The following CREG2 variants were observed in gnomAD, a reference collection of about 807,000 sequenced individuals.
The protein encoded by CREG2 is cellular repressor of E1A stimulated genes 2.
In CREG2, 24 loss-of-function variants were observed where a neutral mutation model predicts 26.2. That is an observed-to-expected ratio of 0.92 (90% CI 0.66 to 1.29). The LOEUF is 1.29. CREG2 is among the 50% of genes most tolerant of loss of function. The probability of loss-of-function intolerance (pLI) is 0.00; values close to 1 mark genes in which losing one functional copy is unlikely to be tolerated. For missense variants in CREG2, 366 were observed against 398.6 expected, an observed-to-expected ratio of 0.92 and a Z score of 0.70; for synonymous variants, 174 against 169.2, an observed-to-expected ratio of 1.03 and a Z score of -0.22.
chr2:101,377,431 G>A (rs896675797), intron 2 of CREG2, among the ~76,000 whole-genome samples: 13 of 152,146 alleles, frequency 8.5e-5, no homozygotes, highest in African/African-American at 2.7e-4. Flanking sequence ...AAGAAGGTGC[G>A]AACCTAAAAC....
chr2:101,373,408 T>C (rs888918580), intron 2 of CREG2, among the ~76,000 whole-genome samples: 1 of 152,150 alleles, frequency 6.6e-6, no homozygotes, highest in Non-Finnish European at 1.5e-5. Flanking sequence ...GGAAAATCCA[T>C]AGAGACAGAA....
intron 3 of CREG2, among the ~76,000 whole-genome samples, chr2:101,354,015 T>C (rs986255636): frequency 6.6e-6 from 1 of 152,074 alleles, no homozygotes; most frequent in African/African-American, 2.4e-5. Flanking sequence ...ACCTAATGTA[T>C]GGGGGACCTT....
chr2:101,375,643 A>G (rs871081), intron 2 of CREG2: 198,600 of 203,280 alleles, frequency 0.98, 97,184 homozygotes, highest in Middle Eastern at 1. Flanking sequence ...CTGCTTCTCC[A>G]AACTCCAGTG....
chr2:101,353,964 C>T (rs1166944582), intron 3 of CREG2, among the ~76,000 whole-genome samples: 1 of 151,938 alleles, frequency 6.6e-6, no homozygotes, highest in African/African-American at 2.4e-5. Flanking sequence ...CGGGGCCTGT[C>T]GGGGGGTGGA....
chr2:101,384,667 G>T (rs1684936480), intron 1 of CREG2, among the ~76,000 whole-genome samples: 1 of 152,168 alleles, frequency 6.6e-6, no homozygotes, highest in Non-Finnish European at 1.5e-5. Context: ...ATCAGCCTGG[G>T]CAAGATAGCG....
intron 2 of CREG2, 93 bp downstream of exon 2, chr2:101,383,440 G>T: frequency 8.2e-7 from 1 of 1,212,526 alleles, no homozygotes; most frequent in Non-Finnish European, 1.2e-6. Flanking sequence ...TCAGAGTTCT[G>T]TTAAAGTCAT....
chr2:101,368,857 C>T (rs1684657453), intron 2 of CREG2, among the ~76,000 whole-genome samples: 1 of 152,182 alleles, frequency 6.6e-6, no homozygotes, highest in South Asian at 2.1e-4. Flanking sequence ...ACTAAATCTG[C>T]CTCAGCCTTG....
chr2:101,366,165 C>T (rs958281147), intron 2 of CREG2, among the ~76,000 whole-genome samples: 21 of 152,120 alleles, frequency 1.4e-4, no homozygotes, highest in African/African-American at 5.1e-4. Context: ...ACATCCTTCC[C>T]AACCAATATT....
chr2:101,351,016 C>G lies in CREG2; in HGVS notation c.780G>C (p.Met260Ile), dbSNP rs749654249. ...TCTGAAGCCAGATATGTTCTATCCT[C>G]ATCTTCATAAAGAACCATTCATATT... ...PRQYEWFFMK[M>I]RIEHIWLQKW... Residue 260 changes from methionine (M) to isoleucine (I), a missense_variant, in exon 4 of 4, where the codon ATG (methionine) becomes ATC (isoleucine). Coordinates refer to ENST00000324768, the MANE Select transcript of CREG2 (RefSeq NM_153836.4). 2 of 1,614,088 alleles carry G rather than the reference C, an allele frequency of 1.2e-6. No individual in the cohort carries two copies. The highest frequency in any genetic ancestry group is 1.3e-5 in the African/African-American group (1 of 74,942).
In CREG2 at chr2:101,345,888, T is replaced by A. The variant is rs1186843808; in HGVS notation, c.*5035A>T. The A allele has an allele frequency of 6.6e-6, 1 of 151,700 alleles. No individual in the cohort carries two copies. Among genetic ancestry groups the A allele is most frequent in the Non-Finnish European group, 1.5e-5 (1 of 67,978 alleles). The allele number at this position is 151,700 out of a possible 1,614,324, so 9.4% of individuals were successfully genotyped here. A position where few individuals can be genotyped will look rare whatever the true frequency, so the allele number is the denominator to read the frequency against. On this transcript the variant is annotated 3_prime_UTR_variant, in exon 4 of 4. Transcript: ENST00000324768. ...ACTCTATCACTCAAGTGTGGTGGCA[T>A]GATCACAGCTCAGGAGGTCAAACTC...
At chr2:101,374,033 T>G (rs1684751569) in intron 2 of CREG2, among the ~76,000 whole-genome samples, 1 of 152,190 alleles carries the variant, frequency 6.6e-6, no homozygotes, top group South Asian at 2.1e-4. Context: ...ACCTGGCTAA[T>G]TTTTTTATTT....
At chr2:101,366,224 C>T (rs1371339508) in intron 2 of CREG2, among the ~76,000 whole-genome samples, 1 of 152,202 alleles carries the variant, frequency 6.6e-6, no homozygotes. Flanking sequence ...GAAACCATCT[C>T]TTCAACAGCC....
At chr2:101,374,410 G>A (rs1056684264) in intron 2 of CREG2, among the ~76,000 whole-genome samples, 3 of 152,202 alleles carry the variant, frequency 2.0e-5, no homozygotes, top group Non-Finnish European at 4.4e-5. Context: ...TCAGGTTAAT[G>A]TTAGCTCTAG....
intron 2 of CREG2, among the ~76,000 whole-genome samples, chr2:101,371,995 C>CT (rs1460519738): frequency 2.0e-5 from 3 of 151,066 alleles, no homozygotes; most frequent in Non-Finnish European, 4.4e-5. Flanking sequence ...CAAGGAGGAG[C>CT]TTAGTGTCTT....
chr2:101,364,070 G>A (rs1261884645), intron 2 of CREG2, among the ~76,000 whole-genome samples: 1 of 152,144 alleles, frequency 6.6e-6, no homozygotes, highest in Non-Finnish European at 1.5e-5. Context: ...CTTGCACTTG[G>A]TTGGCAGGGG....
rs907928619 is a variant in CREG2 at position 101,363,379 on chromosome 2, C to T, written c.612-8013G>A. Among the ~76,000 whole-genome samples the T allele has an allele frequency of 7.9e-5, 12 of 152,190 alleles. 1 individual carries two copies. Among genetic ancestry groups the T allele is most frequent in the East Asian group, 5.8e-4 (3 of 5,192 alleles). On this transcript the variant is annotated intron_variant, in intron 2 of 3. Transcript: ENST00000324768. ...TTGCCTTCTGGATAGTTAACCTTCT[C>T]GGAGATAAGTAGTCCTTCTCTTGCT...
chr2:101,383,381 G>A (rs1371350943), intron 2 of CREG2, 152 bp downstream of exon 2: 2 of 725,216 alleles, frequency 2.8e-6, no homozygotes, highest in Admixed American at 2.9e-5. Flanking sequence ...CTTGGTGAGT[G>A]GTGGAATTCT....
At position 101,387,499 on chromosome 2, in the gene CREG2, C is replaced by A. The variant is rs773790735; in HGVS notation, c.-42G>T. 1 of 766,068 alleles carries A rather than the reference C, an allele frequency of 1.3e-6. No homozygotes were observed. 47.5% of individuals were successfully genotyped at this position (766,068 alleles called of 1,614,324 possible). A position where few individuals can be genotyped will look rare whatever the true frequency, so the allele number is the denominator to read the frequency against. On this transcript the variant is annotated 5_prime_UTR_variant, in exon 1 of 4. Transcript: ENST00000324768. The surrounding 1 kb of genome is among the most constrained non-coding windows in gnomAD (Gnocchi z 4.7). ...CCGGCCGCCGGGGCCGCCAGCAGCGCTAGTGCCGGGGAGCCCGGCAGCGCC... is the reference window on the plus strand; with the variant it reads ...CCGGCCGCCGGGGCCGCCAGCAGCGATAGTGCCGGGGAGCCCGGCAGCGCC...
chr2:101,377,025 GC>G (rs960357727), intron 2 of CREG2, among the ~76,000 whole-genome samples: 3 of 151,980 alleles, frequency 2.0e-5, no homozygotes, highest in Admixed American at 6.6e-5. Context: ...TAAAGATTAG[GC>G]CCCCCCTTGG....
Sources: allele counts gnomAD v4.1 joint callset (sites outside exome capture counted in the v4.1 genomes callset), GRCh38; gene constraint gnomAD v4.1.1; non-coding constraint Gnocchi (gnomAD v3.1); transcripts MANE v1.5; gene names NCBI Gene and HGNC (gene_info 2026-07-23, HGNC 2026-07-21).